Variants in AFG1L observed in about 807,000 individuals in gnomAD.
The protein encoded by AFG1L is AFG1 like ATPase.
Under a neutral mutation model 62.2 loss-of-function variants are expected in AFG1L, and 53 were observed. The observed-to-expected ratio is 0.85, with a 90% CI of 0.68 to 1.07. The LOEUF (loss-of-function observed/expected upper bound fraction) is 1.07. AFG1L is among the 50% of genes least tolerant of loss of function. The pLI is 0.00. For missense variants in AFG1L, 555 were observed against 590.5 expected, an observed-to-expected ratio of 0.94 and a Z score of 0.62; for synonymous variants, 228 against 210.3, an observed-to-expected ratio of 1.08 and a Z score of -0.73.
intron 6 of AFG1L, chr6:108,387,585 A>G (rs981317866): frequency 6.6e-6 from 1 of 152,284 alleles, no homozygotes; most frequent in Non-Finnish European, 1.5e-5. Flanking sequence ...TGTGGAAGAC[A>G]GTTTTGACTC....
At chr6:108,414,327 G>A (rs529086112) in intron 7 of AFG1L, among the ~76,000 whole-genome samples, 613 of 152,190 alleles carry the variant, frequency 4.0e-3, no homozygotes, top group Middle Eastern at 0.014. Flanking sequence ...ATTCACAGCC[G>A]AATTCTACCA....
intron 7 of AFG1L, among the ~76,000 whole-genome samples, chr6:108,443,273 A>G (rs536548843): frequency 6.6e-6 from 1 of 151,390 alleles, no homozygotes; most frequent in East Asian, 1.9e-4. Context: ...CTCTCTCTGT[A>G]TGGGATAGTT....
Position 108,426,192 on chromosome 6 carries a change from C to G in AFG1L, c.808-21022C>G, listed in dbSNP as rs1192345108. The stretch of plus-strand genomic sequence containing the variant: ...ATTACAGTGTAAATGAATCATATGC[C>G]TTATGGGCTTTGTGTAATTATAGTG... On this transcript the variant is annotated intron_variant, in intron 7 of 12. Transcript: ENST00000368977. 2.6e-5 allele frequency among the ~76,000 whole-genome samples: 4 copies of G among 151,184 alleles called. No homozygotes were observed. The East Asian group carries it at 7.8e-4, about 29-fold the overall frequency.
chr6:108,309,816 T>G (rs193171134), intron 1 of AFG1L, among the ~76,000 whole-genome samples: 1 of 152,098 alleles, frequency 6.6e-6, no homozygotes, highest in Admixed American at 6.6e-5. Flanking sequence ...AATTAAAAAA[T>G]TTTTATTATA....
intron 7 of AFG1L, among the ~76,000 whole-genome samples, chr6:108,425,892 T>A (rs567367486): frequency 2.3e-4 from 35 of 152,304 alleles, no homozygotes; most frequent in African/African-American, 7.9e-4. Context: ...AATTTACTCT[T>A]CAGATCTTTT....
chr6:108,375,004 T>C (rs1780182998), intron 6 of AFG1L, among the ~76,000 whole-genome samples: 1 of 152,140 alleles, frequency 6.6e-6, no homozygotes, highest in Non-Finnish European at 1.5e-5. Flanking sequence ...TCTATGTCTT[T>C]TAGCAGTGTT....
intron 1 of AFG1L, among the ~76,000 whole-genome samples, chr6:108,307,638 A>G (rs547876242): frequency 1.4e-4 from 21 of 152,290 alleles, no homozygotes; most frequent in Admixed American, 3.3e-4. Context: ...TAGTACTGCT[A>G]TGAATATGTT....
intron 10 of AFG1L, among the ~76,000 whole-genome samples, chr6:108,485,894 A>T (rs1464312755): frequency 6.7e-6 from 1 of 150,122 alleles, no homozygotes; most frequent in Non-Finnish European, 1.5e-5. Context: ...CTGGTCTCGA[A>T]CTCCTGGCCT....
At chr6:108,344,228 TC>T (rs1778783996) in intron 2 of AFG1L, among the ~76,000 whole-genome samples, 1 of 152,074 alleles carries the variant, frequency 6.6e-6, no homozygotes, top group South Asian at 2.1e-4. Flanking sequence ...TTCTCCCACC[TC>T]AGCCTCCCAA....
chr6:108,428,002 A>G (rs979176429), intron 7 of AFG1L, among the ~76,000 whole-genome samples: 2 of 152,178 alleles, frequency 1.3e-5, no homozygotes, highest in African/African-American at 4.8e-5. Context: ...TGGTTACATG[A>G]ATGAATTGTA....
chr6:108,441,110 A>T (rs762744246), intron 7 of AFG1L, among the ~76,000 whole-genome samples: 1 of 152,178 alleles, frequency 6.6e-6, no homozygotes, highest in African/African-American at 2.4e-5. Context: ...TCTTTGCTTA[A>T]GAGGTTAGTA....
intron 5 of AFG1L, among the ~76,000 whole-genome samples, chr6:108,365,135 T>C (rs1413696904): frequency 6.6e-6 from 1 of 152,152 alleles, no homozygotes; most frequent in East Asian, 1.9e-4. Context: ...CTGAGATTAT[T>C]TGAAATGTGC....
chr6:108,519,010 G>A (rs915046326), intron 11 of AFG1L, among the ~76,000 whole-genome samples: 1 of 152,202 alleles, frequency 6.6e-6, no homozygotes, highest in African/African-American at 2.4e-5. Flanking sequence ...TAGTCAGTAT[G>A]TGGTGCTATA....
At chr6:108,352,780 G>T (rs1033088042) in intron 3 of AFG1L, among the ~76,000 whole-genome samples, 1 of 151,812 alleles carries the variant, frequency 6.6e-6, no homozygotes, top group Non-Finnish European at 1.5e-5. Flanking sequence ...CACCCGGGCT[G>T]GTCTCGAACA....
At chr6:108,366,121 T>C in intron 5 of AFG1L, 112 bp from the exon 6 acceptor site, 1 of 604,770 alleles carries the variant, frequency 1.7e-6, no homozygotes, top group Non-Finnish European at 3.0e-6. Flanking sequence ...TGATGATAAT[T>C]AGAATTTTTC....
chr6:108,400,132 A>T (rs1781504424), intron 6 of AFG1L, among the ~76,000 whole-genome samples: 1 of 152,044 alleles, frequency 6.6e-6, no homozygotes, highest in African/African-American at 2.4e-5. Flanking sequence ...ACCTGCAAAC[A>T]AGGATAATTT....
intron 7 of AFG1L, among the ~76,000 whole-genome samples, chr6:108,408,999 G>A (rs549503522): frequency 5.5e-4 from 84 of 152,122 alleles, no homozygotes; most frequent in African/African-American, 1.9e-3. Flanking sequence ...GTCACATGAG[G>A]GGATATAACA....
chr6:108,508,350 C>A (rs1562202737), intron 10 of AFG1L, among the ~76,000 whole-genome samples: 1 of 152,352 alleles, frequency 6.6e-6, no homozygotes, highest in East Asian at 1.9e-4. Context: ...CATGCTGGAA[C>A]CCTCCATGGC....
intron 5 of AFG1L, among the ~76,000 whole-genome samples, chr6:108,361,957 C>G (rs1227902664): frequency 6.6e-6 from 1 of 152,090 alleles, no homozygotes; most frequent in African/African-American, 2.4e-5. Context: ...AGGCATGAAT[C>G]TTTATTAATT....
Sources: allele counts gnomAD v4.1 joint callset (sites outside exome capture counted in the v4.1 genomes callset), GRCh38; gene constraint gnomAD v4.1.1; transcripts MANE v1.5; gene names NCBI Gene and HGNC (gene_info 2026-07-23, HGNC 2026-07-21).